Variants in DENND1A observed in about 807,000 individuals in gnomAD.
DENND1A encodes DENN domain containing 1A.
In DENND1A, 51 loss-of-function variants were observed where a neutral mutation model predicts 113.7. That is an observed-to-expected ratio of 0.45 (90% CI 0.36 to 0.57). The LOEUF (loss-of-function observed/expected upper bound fraction) is 0.57, where lower values mean the gene tolerates loss of function less well. Among genes scored for constraint, DENND1A ranks in the 20% least tolerant of loss-of-function variants. The pLI, the probability that DENND1A is intolerant of heterozygous loss-of-function variation, is 0.00. For synonymous variants in DENND1A, 565 were observed against 570.8 expected (o/e 0.99, Z 0.14); for missense variants, 1,258 against 1,395.9 (o/e 0.90, Z 1.57).
intron 19 of DENND1A, among the ~76,000 whole-genome samples, chr9:123,424,514 T>C (rs1049524013): frequency 2.6e-5 from 4 of 152,204 alleles, no homozygotes; most frequent in African/African-American, 9.7e-5. Flanking sequence ...GGATCATCAG[T>C]GGTCTCTCTG....
chr9:123,423,421 CT>C (rs1452397260), intron 19 of DENND1A, among the ~76,000 whole-genome samples: 1 of 152,210 alleles, frequency 6.6e-6, no homozygotes, highest in East Asian at 1.9e-4. Context: ...CTTAAGACAT[CT>C]GCAGGAACAC....
rs147046839 is a variant in DENND1A, at chr9:123,563,643, C to A, written c.868-5948G>T. Among the ~76,000 whole-genome samples the A allele has an allele frequency of 6.4e-4, 97 of 152,286 alleles. 2 individuals carry two copies. The East Asian group carries it at 0.018, about 29-fold the overall frequency. On this transcript the variant is annotated intron_variant, in intron 12 of 23. Transcript: ENST00000394215. ...TTGAGCTCGTATCTCTTCCTCTATT[C>A]TCTTCCTAGTCTAATTCATCCTTCG... is the stretch of plus-strand genomic sequence containing the variant.
chr9:123,645,991 G>A (rs2062301513), intron 9 of DENND1A, among the ~76,000 whole-genome samples: 2 of 152,252 alleles, frequency 1.3e-5, no homozygotes, highest in African/African-American at 2.4e-5. Context: ...AATATTTATC[G>A]TGGTGTTACC....
chr9:123,711,489 AT>A (rs1564997621), intron 5 of DENND1A, among the ~76,000 whole-genome samples: 3,548 of 60,446 alleles, frequency 0.059, 97 homozygotes, highest in African/African-American at 0.1. Flanking sequence ...ATTAAAAAAT[AT>A]ATATATATAT....
chr9:123,692,338 C>G (rs990514106), intron 5 of DENND1A, among the ~76,000 whole-genome samples: 4 of 152,218 alleles, frequency 2.6e-5, no homozygotes, highest in African/African-American at 9.7e-5. Context: ...CACAAGCACA[C>G]AGATGTTCTT....
chr9:123,871,366 G>A (rs1296474318), intron 2 of DENND1A, among the ~76,000 whole-genome samples: 1 of 152,142 alleles, frequency 6.6e-6, no homozygotes, highest in African/African-American at 2.4e-5. Flanking sequence ...TTACAGGCGT[G>A]AGACACTACA....
At chr9:123,538,249 G>A (rs1400673342) in intron 13 of DENND1A, among the ~76,000 whole-genome samples, 1 of 152,182 alleles carries the variant, frequency 6.6e-6, no homozygotes, top group South Asian at 2.1e-4. Context: ...ATGTAATAGA[G>A]AAGAGGTTAA....
At chr9:123,691,453 T>C (rs1411962382) in intron 5 of DENND1A, among the ~76,000 whole-genome samples, 2 of 151,814 alleles carry the variant, frequency 1.3e-5, no homozygotes, top group Non-Finnish European at 2.9e-5. Flanking sequence ...AAACCAAAAA[T>C]TACAGAGGCA....
At chr9:123,423,019 T>C (rs1408738459) in intron 19 of DENND1A, among the ~76,000 whole-genome samples, 2 of 152,222 alleles carry the variant, frequency 1.3e-5, no homozygotes, top group Non-Finnish European at 2.9e-5. Flanking sequence ...GCTAACTGCA[T>C]ATATTTTTCA....
chr9:123,545,469 T>A (rs1361475561), intron 13 of DENND1A, among the ~76,000 whole-genome samples: 1 of 151,136 alleles, frequency 6.6e-6, no homozygotes, highest in Non-Finnish European at 1.5e-5. Context: ...TCCTGTCTCC[T>A]GTTCTTTTTT....
At chr9:123,664,292 T>C (rs552970990) in intron 8 of DENND1A, among the ~76,000 whole-genome samples, 1 of 152,318 alleles carries the variant, frequency 6.6e-6, no homozygotes, top group African/African-American at 2.4e-5. Context: ...TAATTCTATA[T>C]TCATATTGCC....
At chr9:123,787,914 T>C (rs749318667) in intron 3 of DENND1A, among the ~76,000 whole-genome samples, 19 of 152,138 alleles carry the variant, frequency 1.2e-4, no homozygotes, top group Non-Finnish European at 1.8e-4. Context: ...TAAAGATTGT[T>C]GGTTTCATTA....
chr9:123,389,119 G>A (rs2042712426), intron 21 of DENND1A, among the ~76,000 whole-genome samples: 2 of 152,274 alleles, frequency 1.3e-5, no homozygotes, highest in South Asian at 4.1e-4. Flanking sequence ...AACCACAGCT[G>A]GAGGGTGAGT....
chr9:123,762,915 T>C (rs2071158876), intron 4 of DENND1A, among the ~76,000 whole-genome samples: 1 of 152,094 alleles, frequency 6.6e-6, no homozygotes, highest in African/African-American at 2.4e-5. Context: ...TAGGCAGAGA[T>C]TCTGGGGACT....
rs888023886 is a variant in DENND1A at position 123,701,872 on chromosome 9, T to C, written c.303-25083A>G. On this transcript the variant is annotated intron_variant, in intron 5 of 23. Transcript: ENST00000394215. ...CCACAAAAGCTTACAAAGACTGGAA[T>C]AAGTACCTACTTCTTCAATGTACAG... Among the ~76,000 whole-genome samples, 58 of 152,208 alleles carry C rather than the reference T, an allele frequency of 3.8e-4. 2 individuals are homozygous for C. The highest frequency in any genetic ancestry group is 1.5e-5 in the Non-Finnish European group (1 of 68,028).
chr9:123,395,890 C>T lies in DENND1A; in HGVS notation c.1631+7512G>A, dbSNP rs941909272. 2.6e-5 allele frequency among the ~76,000 whole-genome samples: 4 copies of T among 152,312 alleles called. No individual in the cohort carries two copies. In the East Asian group the frequency reaches 5.8e-4, roughly 22 times the overall value. ...TTCCTTTGTTCATTCACCCAGGAAA[C>T]ATCTCAGAGCAGAGGTCTGGGCTCG... On this transcript the variant is annotated intron_variant, in intron 21 of 23. Transcript: ENST00000394215.
chr9:123,834,456 G>T lies in DENND1A; in HGVS notation c.89-41826C>A, dbSNP rs185809469. Among the ~76,000 whole-genome samples the T allele has an allele frequency of 1.6e-3, 250 of 152,252 alleles. 1 individual carries two copies. Among genetic ancestry groups the T allele is most frequent in the African/African-American group, 5.9e-3 (244 of 41,548 alleles). On this transcript the variant is annotated intron_variant, in intron 2 of 23. Coordinates refer to ENST00000394215, the MANE Select transcript of DENND1A (RefSeq NM_001352964.2). ...ACAATTAACAAAGCAAGTAGCAGAG[G>T]GAGCTTTCAATCAGTTCATTGGTTT...
intron 13 of DENND1A, among the ~76,000 whole-genome samples, chr9:123,531,255 C>T (rs890414427): frequency 5.3e-5 from 8 of 152,114 alleles, no homozygotes; most frequent in African/African-American, 1.4e-4. Flanking sequence ...TAATCCACTT[C>T]GTAGAAGGTT....
chr9:123,874,942 G>C (rs1242529323), intron 2 of DENND1A, among the ~76,000 whole-genome samples: 2 of 152,210 alleles, frequency 1.3e-5, no homozygotes. Context: ...CGTAGGAAAG[G>C]TCACAGTAGC....
Sources: allele counts gnomAD v4.1 joint callset (sites outside exome capture counted in the v4.1 genomes callset), GRCh38; gene constraint gnomAD v4.1.1; transcripts MANE v1.5; gene names NCBI Gene and HGNC (gene_info 2026-07-23, HGNC 2026-07-21).